GPM6A: variants seen among roughly 807,000 people sequenced by gnomAD.
The protein encoded by GPM6A is glycoprotein M6A.
A neutral mutation model predicts 32.1 loss-of-function variants in GPM6A; 7 were observed. That is an observed-to-expected ratio of 0.22 (90% CI 0.12 to 0.41). GPM6A has a LOEUF of 0.41. Among genes scored for constraint, GPM6A ranks in the 10% least tolerant of loss-of-function variants. GPM6A has a pLI of 1.00. For synonymous variants in GPM6A, 130 were observed against 123.4 expected (o/e 1.05, Z -0.35); for missense variants, 235 against 347.2 (o/e 0.68, Z 2.57).
intron 1 of GPM6A, among the ~76,000 whole-genome samples, chr4:175,933,745 C>T (rs1226663554): frequency 6.6e-6 from 1 of 152,062 alleles, no homozygotes; most frequent in Non-Finnish European, 1.5e-5. Context: ...AGGGTTTCAC[C>T]GTGCTAGCCA....
chr4:175,945,126 G>A lies in GPM6A; in HGVS notation c.-23+57183C>T, dbSNP rs141801871. Among the ~76,000 whole-genome samples the A allele has an allele frequency of 9.9e-5, 15 of 152,104 alleles. 1 individual carries two copies. In the East Asian group the frequency reaches 2.7e-3, roughly 27 times the overall value. On this transcript the variant is annotated intron_variant, in intron 1 of 7. Coordinates refer to the GPM6A transcript ENST00000280187. ...AGAAAAGACTCTGTGACGAAGCCAA[G>A]TACGTGAGTGTGAACAGCAATTATC... is the stretch of plus-strand genomic sequence containing the variant.
At chr4:175,699,412 C>A (rs1744748509) in intron 2 of GPM6A, among the ~76,000 whole-genome samples, 1 of 152,052 alleles carries the variant, frequency 6.6e-6, no homozygotes, top group East Asian at 1.9e-4. Context: ...TCTACTAATG[C>A]TTAAAGGATT....
intron 1 of GPM6A, among the ~76,000 whole-genome samples, chr4:175,716,808 T>G (rs570015243): frequency 4.6e-5 from 7 of 152,296 alleles, no homozygotes; most frequent in Admixed American, 2.6e-4. Flanking sequence ...TTAAAGGAAT[T>G]TATGATCACA....
At chr4:175,987,376 C>T (rs899882128) in intron 1 of GPM6A, among the ~76,000 whole-genome samples, 2 of 152,100 alleles carry the variant, frequency 1.3e-5, no homozygotes, top group African/African-American at 4.8e-5. Context: ...CACATGACTA[C>T]AGTGTGTATT....
intron 1 of GPM6A, among the ~76,000 whole-genome samples, chr4:175,711,830 C>G (rs1414972269): frequency 6.6e-6 from 1 of 152,042 alleles, no homozygotes; most frequent in Non-Finnish European, 1.5e-5. Context: ...AGTTGTATTT[C>G]CTTTTTCCTT....
chr4:175,654,878 A>G (rs1297608299), intron 3 of GPM6A, among the ~76,000 whole-genome samples: 1 of 152,138 alleles, frequency 6.6e-6, no homozygotes, highest in Non-Finnish European at 1.5e-5. Context: ...AAATCCATGG[A>G]AGAGTAATCA....
chr4:175,730,557 G>A (rs7654817), intron 1 of GPM6A, among the ~76,000 whole-genome samples: 12,856 of 151,392 alleles, frequency 0.085, 827 homozygotes, highest in East Asian at 0.29. Context: ...TGCAAGCTCC[G>A]CCTCCCGGGT....
chr4:175,808,138 A>C (rs1388226592), intron 1 of GPM6A, among the ~76,000 whole-genome samples: 1 of 152,170 alleles, frequency 6.6e-6, no homozygotes, highest in African/African-American at 2.4e-5. Flanking sequence ...TGTCTGCTTA[A>C]GGAAAGGTGA....
chr4:175,933,780 G>T (rs80146738), intron 1 of GPM6A, among the ~76,000 whole-genome samples: 1 of 152,032 alleles, frequency 6.6e-6, no homozygotes, highest in African/African-American at 2.4e-5. Flanking sequence ...TCCTGACCTC[G>T]TGATCCGCCC....
At chr4:175,730,300 T>C (rs1731360048) in intron 1 of GPM6A, among the ~76,000 whole-genome samples, 2 of 152,270 alleles carry the variant, frequency 1.3e-5, no homozygotes, top group Admixed American at 6.5e-5. Flanking sequence ...TGGAGTGCAG[T>C]GGCGAGATCT....
chr4:175,770,976 C>T (rs1463155900), intron 1 of GPM6A, among the ~76,000 whole-genome samples: 1 of 152,122 alleles, frequency 6.6e-6, no homozygotes, highest in Non-Finnish European at 1.5e-5. Flanking sequence ...AAACAGATAA[C>T]AAGAAAAGTA....
In GPM6A at chr4:175,701,577, G is replaced by A; in HGVS notation, c.228C>T (p.Thr76=). 1 of 1,608,080 alleles carries A rather than the reference G, an allele frequency of 6.2e-7. No homozygotes were observed. The highest frequency in any genetic ancestry group is 8.5e-7 in the Non-Finnish European group (1 of 1,174,652). The change falls in exon 2 of 7, where the codon ACC becomes ACT. Residue 76 remains threonine, a splice_region_variant and synonymous_variant. Transcript: ENST00000393658. ...CAAGAAATACTAGAGTGACTTACAT[G>A]GTAAAAACATCCAGTGTGTCTCCAG... ...RTAGDTLDVF[T]MIDIFKYVIY...
rs1340452588 is a variant in GPM6A, at chr4:175,941,755, G to C, written c.-23+60554C>G. On this transcript the variant is annotated intron_variant, in intron 1 of 7. Transcript: ENST00000280187. ...CTGCATAGTATTCAATGGTGTACAT[G>C]TGCCACATTTTCTTTATCCAGTCTG... Among the ~76,000 whole-genome samples the C allele has an allele frequency of 8.5e-5, 13 of 152,186 alleles. 1 individual carries two copies. Among genetic ancestry groups the C allele is most frequent in the Admixed American group, 8.5e-4 (13 of 15,284 alleles).
At chr4:175,720,906 G>A (rs551104149) in intron 1 of GPM6A, among the ~76,000 whole-genome samples, 3 of 151,678 alleles carry the variant, frequency 2.0e-5, no homozygotes, top group East Asian at 3.9e-4. Context: ...GTAACTGGTC[G>A]CTGCTGAGGT....
At chr4:175,845,377 A>G (rs1390344) in intron 1 of GPM6A, among the ~76,000 whole-genome samples, 1,970 of 152,184 alleles carry the variant, frequency 0.013, 15 homozygotes, top group Non-Finnish European at 0.019. Context: ...GGTTCCTAGC[A>G]TTGATTTCGA....
chr4:175,644,936 G>A (rs184437787), intron 4 of GPM6A, among the ~76,000 whole-genome samples: 12 of 151,736 alleles, frequency 7.9e-5, no homozygotes, highest in East Asian at 2.0e-4. Context: ...GTGAAACCCC[G>A]TCTCTACTAA....
chr4:175,871,490 A>G (rs564310019), intron 1 of GPM6A, among the ~76,000 whole-genome samples: 1 of 152,128 alleles, frequency 6.6e-6, no homozygotes, highest in Non-Finnish European at 1.5e-5. Context: ...AAAATAAAGA[A>G]AGAATTCAAT....
At chr4:175,966,363 C>A (rs1299168832) in intron 1 of GPM6A, among the ~76,000 whole-genome samples, 1 of 151,684 alleles carries the variant, frequency 6.6e-6, no homozygotes, top group Non-Finnish European at 1.5e-5. Flanking sequence ...GATGGAGCTT[C>A]TGCATTTCAG....
chr4:175,838,070 G>A (rs543358952), intron 1 of GPM6A, among the ~76,000 whole-genome samples: 16 of 146,424 alleles, frequency 1.1e-4, no homozygotes, highest in Non-Finnish European at 1.3e-4. Flanking sequence ...AAGAATAGCC[G>A]TTCAGTAGGC....
Sources: gnomAD v4.1 joint callset for allele counts (sites outside exome capture counted in the v4.1 genomes callset) on GRCh38, gnomAD v4.1.1 for gene constraint, MANE v1.5 for transcripts, NCBI Gene and HGNC (gene_info 2026-07-23, HGNC 2026-07-21) for gene names.